The following GLB1L2 variants were observed in gnomAD, a reference collection of about 807,000 sequenced individuals.
GLB1L2 encodes beta-galactosidase-1-like protein 2.
GLB1L2 carries 68 observed loss-of-function variants against 84.1 expected under a neutral mutation model. The observed-to-expected ratio is 0.81, with a 90% confidence interval of 0.67 to 0.99. GLB1L2 has a LOEUF of 0.99. GLB1L2 is among the 50% of genes least tolerant of loss of function. The pLI is 0.00. For missense variants in GLB1L2, 762 were observed against 805.6 expected, an observed-to-expected ratio of 0.95 and a Z score of 0.66; for synonymous variants, 290 against 318.0, an observed-to-expected ratio of 0.91 and a Z score of 0.94.
At chr11:134,357,649 C>T (rs189321879) in intron 6 of GLB1L2, among the ~76,000 whole-genome samples, 10 of 152,252 alleles carry the variant, frequency 6.6e-5, no homozygotes, top group African/African-American at 2.4e-4. Context: ...TCAGGGACGT[C>T]CTGCTCCACT....
intron 17 of GLB1L2, 150 bp downstream of exon 17, chr11:134,374,406 G>T: frequency 1.3e-6 from 1 of 787,774 alleles, no homozygotes. Flanking sequence ...TGGGCCAGAG[G>T]AGTGGGTTCC....
At position 134,347,260 on chromosome 11, in the gene GLB1L2, C is replaced by T. The variant is rs943876851; in HGVS notation, c.450-65C>T. On this transcript the variant is annotated intron_variant, in intron 4 of 18. Transcript: ENST00000535456. Reference sequence around the variant, plus strand: ...GGGCCTCTCCCTTCTCACGCATCAACAGCCTGCTCACAGCAAACCCACTGT... The same window carrying T: ...GGGCCTCTCCCTTCTCACGCATCAATAGCCTGCTCACAGCAAACCCACTGT... The T allele has an allele frequency of 4.1e-6, 5 of 1,214,978 alleles. No individual in the cohort carries two copies. The East Asian group carries it at 7.0e-5, about 17-fold the overall frequency. 75.3% of individuals were successfully genotyped at this position (1,214,978 alleles called of 1,614,324 possible).
At chr11:134,371,995 C>T (rs1461884280) in intron 15 of GLB1L2, among the ~76,000 whole-genome samples, 165 bp downstream of exon 15, 1 of 152,188 alleles carries the variant, frequency 6.6e-6, no homozygotes, top group African/African-American at 2.4e-5. Flanking sequence ...AGAGAAACTC[C>T]GCTGGGCTGT....
At chr11:134,364,433 T>C in intron 8 of GLB1L2, 35 bp downstream of exon 8, 1 of 1,533,616 alleles carries the variant, frequency 6.5e-7, no homozygotes, top group Non-Finnish European at 9.0e-7. Flanking sequence ...CGGCCCGCCC[T>C]GCTCAGCGGC....
chr11:134,357,135 G>A (rs1051874700), intron 6 of GLB1L2, among the ~76,000 whole-genome samples: 3 of 152,170 alleles, frequency 2.0e-5, no homozygotes, highest in South Asian at 2.1e-4. Flanking sequence ...TTGGAGGTTC[G>A]GCCATGGTGT....
At chr11:134,361,847 C>T (rs1943795042) in intron 7 of GLB1L2, among the ~76,000 whole-genome samples, 1 of 152,172 alleles carries the variant, frequency 6.6e-6, no homozygotes, top group South Asian at 2.1e-4. Context: ...GGCTTCCCGG[C>T]ACCTGCTGTT....
chr11:134,338,993 G>A lies in GLB1L2; in HGVS notation c.87-3761G>A, dbSNP rs1221668348. ...CTTCTAAGGTGGAAAAATCGCTTTG[G>A]ATAAATGAAGCCGAGATACATAGGC... On this transcript the variant is annotated intron_variant, in intron 1 of 18. Transcript: ENST00000535456. The surrounding 1 kb of genome is among the most constrained non-coding windows in gnomAD (Gnocchi z 6.2). Among the ~76,000 whole-genome samples, 1 of 152,168 alleles carries A rather than the reference G, an allele frequency of 6.6e-6. No individual in the cohort carries two copies. The highest frequency in any genetic ancestry group is 1.5e-5 in the Non-Finnish European group (1 of 68,038).
intron 8 of GLB1L2, among the ~76,000 whole-genome samples, chr11:134,366,251 A>G (rs143641018): frequency 1.3e-5 from 2 of 152,298 alleles, no homozygotes; most frequent in African/African-American, 4.8e-5. Context: ...GTGGTATGGT[A>G]TGTCTCCTTC....
At chr11:134,350,984 A>C (rs556544409) in intron 5 of GLB1L2, among the ~76,000 whole-genome samples, 6 of 152,244 alleles carry the variant, frequency 3.9e-5, no homozygotes, top group Non-Finnish European at 7.3e-5. Flanking sequence ...CTGTGAACAG[A>C]GATAACTTCT....
Position 134,374,514 on chromosome 11 carries a change from T to G in GLB1L2, c.1708-88T>G, listed in dbSNP as rs1039675521. The G allele has an allele frequency of 6.3e-5, 68 of 1,074,758 alleles. No individual in the cohort carries two copies. In the Admixed American group the frequency reaches 1.1e-3, roughly 18 times the overall value. 66.6% of individuals were successfully genotyped at this position (1,074,758 alleles called of 1,614,324 possible). ...CCAGACACAGCTCGCTTTGGTCTCC[T>G]GGACCTGAGAGAAGCACGCATGCAT... On this transcript the variant is annotated intron_variant, in intron 17 of 18. Coordinates refer to ENST00000535456, the MANE Select transcript of GLB1L2 (RefSeq NM_001370461.1).
intron 1 of GLB1L2, among the ~76,000 whole-genome samples, chr11:134,335,554 A>C (rs1407773627): frequency 6.6e-6 from 1 of 152,108 alleles, no homozygotes; most frequent in African/African-American, 2.4e-5. Flanking sequence ...TTCTTACAGG[A>C]CCATGCTAGC....
intron 5 of GLB1L2, among the ~76,000 whole-genome samples, chr11:134,353,408 T>C (rs58937199): frequency 0.076 from 11,637 of 152,220 alleles, 559 homozygotes; most frequent in East Asian, 0.2. Flanking sequence ...AGACTCTGTT[T>C]TTTTTTAAAA....
chr11:134,343,186 G>C (rs1427004723), intron 2 of GLB1L2, among the ~76,000 whole-genome samples: 1 of 152,228 alleles, frequency 6.6e-6, no homozygotes, highest in East Asian at 1.9e-4. Flanking sequence ...GTATAGGGAA[G>C]GCGGTGAGTG....
intron 5 of GLB1L2, among the ~76,000 whole-genome samples, chr11:134,349,953 C>T (rs1480135470): frequency 2.6e-5 from 4 of 152,118 alleles, no homozygotes; most frequent in Admixed American, 2.0e-4. Context: ...TTGACTCTGC[C>T]GGCGCCCTTT....
intron 7 of GLB1L2, chr11:134,360,455 G>C (rs1261906849): frequency 7.9e-5 from 12 of 152,272 alleles, no homozygotes; most frequent in African/African-American, 2.4e-4. Flanking sequence ...CCCCACGGCT[G>C]CTTCCAAGGC....
At position 134,369,858 on chromosome 11, in the gene GLB1L2, C is replaced by G; in HGVS notation, c.1081C>G (p.Leu361Val). The G allele has an allele frequency of 1.2e-6, 2 of 1,613,726 alleles. No individual in the cohort carries two copies. The highest frequency in any genetic ancestry group is 1.7e-6 in the Non-Finnish European group (2 of 1,179,622). The change falls in exon 11 of 19, where the codon CTT becomes GTT. Residue 361 changes from leucine to valine, a missense_variant. This residue lies in a region of GLB1L2 where 603 missense variants were observed against 611.7 expected (regional missense o/e 0.99). Coordinates refer to ENST00000535456, the MANE Select transcript of GLB1L2 (RefSeq NM_001370461.1). ...AGDYTAKYMK[L>V]RDFFGSISGI... ...CGATTACACGGCCAAGTACATGAAG[C>G]TTCGAGACTTCTTCGGCTCCATCTC... is the stretch of plus-strand genomic sequence containing the variant.
chr11:134,367,415 A>T, intron 9 of GLB1L2, 74 bp downstream of exon 9: 1 of 1,297,984 alleles, frequency 7.7e-7, no homozygotes, highest in South Asian at 1.3e-5. Context: ...TCACCTGCTA[A>T]CTAATGTAAG....
chr11:134,345,124 G>C lies in GLB1L2; in HGVS notation c.444G>C (p.Leu148Phe), dbSNP rs1378659059. 1 of 1,610,472 alleles carries C rather than the reference G, an allele frequency of 6.2e-7. No homozygotes were observed. Among genetic ancestry groups the C allele is most frequent in the Non-Finnish European group, 8.5e-7 (1 of 1,177,746 alleles). Residue 148 changes from leucine to phenylalanine, a missense_variant, in exon 4 of 19, where the codon TTG (leucine) becomes TTC (phenylalanine). Coordinates refer to ENST00000535456, the MANE Select transcript of GLB1L2 (RefSeq NM_001370461.1). ...GCAGTGAGATGGACCTCGGGGGCTT[G>C]CCCAGGTAAGCGGGGTTGTGAAGGG... ...YICSEMDLGG[L>F]PSWLLQDPGM...
intron 1 of GLB1L2, among the ~76,000 whole-genome samples, chr11:134,333,834 C>G (rs951119186): frequency 1.3e-5 from 2 of 152,198 alleles, no homozygotes; most frequent in African/African-American, 4.8e-5. Context: ...TCTGTGAAAA[C>G]AGTTTGGCCT....
Sources: allele counts gnomAD v4.1 joint callset (sites outside exome capture counted in the v4.1 genomes callset), GRCh38; gene constraint gnomAD v4.1.1; regional missense constraint gnomAD v4.1.1; non-coding constraint Gnocchi (gnomAD v3.1); transcripts MANE v1.5; gene names NCBI Gene and HGNC (gene_info 2026-07-23, HGNC 2026-07-21).